The following RBFOX1 variants were observed in gnomAD, a reference collection of about 807,000 sequenced individuals.
RBFOX1 encodes RNA binding protein fox-1 homolog 1.
RBFOX1 carries 8 observed loss-of-function variants against 57.7 expected under a neutral mutation model. That is an observed-to-expected ratio of 0.14 (90% CI 0.08 to 0.25). The LOEUF (loss-of-function observed/expected upper bound fraction) is 0.25, where lower values mean the gene tolerates loss of function less well. Ranked by LOEUF, RBFOX1 falls within the 10% of genes least tolerant of loss-of-function variation. The probability of loss-of-function intolerance (pLI) is 1.00; values close to 1 mark genes in which losing one functional copy is unlikely to be tolerated. For synonymous variants in RBFOX1, 326 were observed against 222.4 expected (o/e 1.47, Z -4.15); for missense variants, 611 against 548.5 (o/e 1.11, Z -1.14).
chr16:7,356,060 C>T (rs1249542975), intron 4 of RBFOX1, among the ~76,000 whole-genome samples: 2 of 152,208 alleles, frequency 1.3e-5, no homozygotes, highest in African/African-American at 4.8e-5. Flanking sequence ...TCTAATGGGG[C>T]TGCATGTCTC....
chr16:6,662,593 C>T (rs183386029), intron 3 of RBFOX1, among the ~76,000 whole-genome samples: 1 of 152,040 alleles, frequency 6.6e-6, no homozygotes, highest in African/African-American at 2.4e-5. Context: ...GAAGTTATTT[C>T]CTTGTCAACT....
chr16:7,075,597 A>C (rs908091431), intron 4 of RBFOX1, among the ~76,000 whole-genome samples: 2 of 150,396 alleles, frequency 1.3e-5, no homozygotes, highest in Non-Finnish European at 3.0e-5. Context: ...TTCTTTTTTT[A>C]TGAGACGGAG....
chr16:5,261,111 T>C (rs975939362), intron 1 of RBFOX1: 11 of 152,340 alleles, frequency 7.2e-5, no homozygotes, highest in African/African-American at 2.4e-4. Context: ...TAAAACCACG[T>C]TTCAATTTTA....
At chr16:7,687,686 G>A (rs144728696) in intron 14 of RBFOX1, among the ~76,000 whole-genome samples, 106 of 151,886 alleles carry the variant, frequency 7.0e-4, no homozygotes, top group African/African-American at 2.3e-3. Flanking sequence ...GAAGCAACCT[G>A]GTAAGCATGA....
intron 3 of RBFOX1, among the ~76,000 whole-genome samples, chr16:6,920,958 A>G (rs2074325843): frequency 6.6e-6 from 1 of 152,218 alleles, no homozygotes; most frequent in African/African-American, 2.4e-5. Context: ...TGTAATGACT[A>G]TCAGAGAATG....
At chr16:6,715,883 C>G in intron 3 of RBFOX1, among the ~76,000 whole-genome samples, 1 of 152,186 alleles carries the variant, frequency 6.6e-6, no homozygotes, top group Non-Finnish European at 1.5e-5. Flanking sequence ...CCTTTGGGGT[C>G]AAGGCTCAGC....
chr16:7,522,822 A>G (rs1285625630), intron 5 of RBFOX1, among the ~76,000 whole-genome samples: 1 of 152,234 alleles, frequency 6.6e-6, no homozygotes, highest in African/African-American at 2.4e-5. Context: ...GGAAAAAAGA[A>G]ACCACTTTTT....
At chr16:6,086,932 G>C (rs2096094053) in intron 1 of RBFOX1, among the ~76,000 whole-genome samples, 1 of 152,176 alleles carries the variant, frequency 6.6e-6, no homozygotes, top group Non-Finnish European at 1.5e-5. Context: ...ACCAAGTATA[G>C]CAGCCAGAAA....
chr16:5,942,683 C>T (rs1481252758), intron 4 of RBFOX1, among the ~76,000 whole-genome samples: 1 of 152,100 alleles, frequency 6.6e-6, no homozygotes, highest in Non-Finnish European at 1.5e-5. Flanking sequence ...CTACCTTTCT[C>T]CCAAAGTTAG....
intron 2 of RBFOX1, among the ~76,000 whole-genome samples, chr16:6,494,110 A>G (rs1016625203): frequency 3.9e-5 from 6 of 152,232 alleles, no homozygotes; most frequent in Non-Finnish European, 8.8e-5. Context: ...GTAAGAAAAT[A>G]TAGATAGATC....
chr16:7,709,108 C>A lies in RBFOX1; in HGVS notation c.1048C>A (p.Pro350Thr), dbSNP rs2083432841. Residue 350 changes from proline (P) to threonine (T), a missense_variant, in exon 15 of 16, where the codon CCC (proline) becomes ACC (threonine). By Grantham distance (38) the Pro-to-Thr change is conservative. Coordinates refer to ENST00000550418, the MANE Select transcript of RBFOX1 (RefSeq NM_018723.4). ...DPYHHALAPA[P>T]TYGVGAMNAF... ...CTACCACCACGCACTTGCTCCAGCC[C>A]CCACCTACGGCGTTGGTGCCATGGT... 6.2e-7 allele frequency: 1 copy of A among 1,613,816 alleles called. No homozygotes were observed. Among genetic ancestry groups the A allele is most frequent in the Non-Finnish European group, 8.5e-7 (1 of 1,179,812 alleles).
intron 2 of RBFOX1, among the ~76,000 whole-genome samples, chr16:5,542,694 G>C (rs1254731749): frequency 6.6e-6 from 1 of 152,156 alleles, no homozygotes; most frequent in Admixed American, 6.5e-5. Flanking sequence ...TTAGCAAGGA[G>C]AATGAAAACT....
chr16:6,981,848 C>A (rs748945245), intron 3 of RBFOX1, among the ~76,000 whole-genome samples: 3 of 152,146 alleles, frequency 2.0e-5, no homozygotes, highest in Non-Finnish European at 2.9e-5. Flanking sequence ...GCCATATCAT[C>A]CAGTCTACAC....
At chr16:6,218,387 C>T (rs1018860069) in intron 1 of RBFOX1, among the ~76,000 whole-genome samples, 7 of 152,206 alleles carry the variant, frequency 4.6e-5, no homozygotes, top group East Asian at 3.9e-4. Context: ...CGGCTCACTG[C>T]GACACCTGCC....
chr16:6,065,378 T>A (rs1293395159), intron 1 of RBFOX1, among the ~76,000 whole-genome samples: 1 of 152,072 alleles, frequency 6.6e-6, no homozygotes, highest in Non-Finnish European at 1.5e-5. Context: ...GATGTCTGTT[T>A]TCATACAGCT....
chr16:6,785,996 C>T (rs1452125588), intron 3 of RBFOX1, among the ~76,000 whole-genome samples: 1 of 152,190 alleles, frequency 6.6e-6, no homozygotes, highest in Non-Finnish European at 1.5e-5. Flanking sequence ...ATAGCTGCTC[C>T]TTAAACACCC....
intron 1 of RBFOX1, among the ~76,000 whole-genome samples, chr16:5,279,384 C>G (rs1426501479): frequency 4.0e-5 from 6 of 151,762 alleles, no homozygotes; most frequent in African/African-American, 1.5e-4. Flanking sequence ...GAATTTCTTC[C>G]TTGATTTCTT....
At chr16:6,331,437 G>GA (rs113737947) in intron 2 of RBFOX1, among the ~76,000 whole-genome samples, 31,607 of 151,488 alleles carry the variant, frequency 0.21, 3,357 homozygotes, top group Middle Eastern at 0.28. Flanking sequence ...ACAGAATGAA[G>GA]AAAAAAAGTC....
At chr16:6,758,030 T>C (rs549798193) in intron 3 of RBFOX1, among the ~76,000 whole-genome samples, 1 of 152,164 alleles carries the variant, frequency 6.6e-6, no homozygotes, top group Admixed American at 6.6e-5. Context: ...TGTCACACTT[T>C]TAAGAAGTCA....
Sources: allele counts gnomAD v4.1 joint callset (sites outside exome capture counted in the v4.1 genomes callset), GRCh38; gene constraint gnomAD v4.1.1; transcripts MANE v1.5; gene names NCBI Gene and HGNC (gene_info 2026-07-23, HGNC 2026-07-21).